Variants in VAT1L observed in about 807,000 individuals in gnomAD.
VAT1L encodes putative NADPH-dependent quinone oxidoreductase VAT1L.
A neutral mutation model predicts 44.1 loss-of-function variants in VAT1L; 34 were observed. That is an observed-to-expected ratio of 0.77 (90% CI 0.59 to 1.03). The LOEUF is 1.03. VAT1L is among the 50% of genes least tolerant of loss of function. VAT1L has a pLI of 0.00. For missense variants in VAT1L, 615 were observed against 538.8 expected (o/e 1.14, Z -1.40); for synonymous variants, 253 against 202.2 (o/e 1.25, Z -2.13).
At chr16:77,853,558 T>G (rs1186750971) in intron 3 of VAT1L, among the ~76,000 whole-genome samples, 1 of 152,090 alleles carries the variant, frequency 6.6e-6, no homozygotes, top group Admixed American at 6.5e-5. Context: ...TGCCAGTGAT[T>G]TACCATGATG....
intron 7 of VAT1L, among the ~76,000 whole-genome samples, chr16:77,931,400 A>G (rs571722192): frequency 2.6e-5 from 4 of 152,320 alleles, no homozygotes; most frequent in Admixed American, 1.3e-4. Flanking sequence ...AGCAGCCTAC[A>G]TAGAAATAAC....
chr16:77,962,780 G>GGAAGGAAGGA (rs1567523656), intron 7 of VAT1L, among the ~76,000 whole-genome samples: 2 of 151,758 alleles, frequency 1.3e-5, no homozygotes, highest in African/African-American at 4.8e-5. Context: ...AGGAAGGAAA[G>GGAAGGAAGGA]AAAGAGAAAA....
intron 6 of VAT1L, among the ~76,000 whole-genome samples, chr16:77,881,332 T>C (rs1597080986): frequency 6.6e-6 from 1 of 152,178 alleles, no homozygotes; most frequent in Non-Finnish European, 1.5e-5. Context: ...GCACATAAGA[T>C]AGGTGCACTT....
At chr16:77,908,488 A>AAAAAAC (rs2017463610) in intron 7 of VAT1L, among the ~76,000 whole-genome samples, 2 of 150,082 alleles carry the variant, frequency 1.3e-5, no homozygotes, top group African/African-American at 2.5e-5. Context: ...AAAAAAAAAA[A>AAAAAAC]AGCCATCACA....
At chr16:77,943,386 T>C (rs1452849808) in intron 7 of VAT1L, among the ~76,000 whole-genome samples, 10 of 146,736 alleles carry the variant, frequency 6.8e-5, no homozygotes, top group African/African-American at 2.5e-4. Context: ...CTTTCTTTTT[T>C]TTTTTTTTTT....
intron 3 of VAT1L, among the ~76,000 whole-genome samples, chr16:77,826,519 G>T (rs74029425): frequency 0.016 from 2,420 of 152,262 alleles, 53 homozygotes; most frequent in African/African-American, 0.055. Flanking sequence ...ACATGTCAGC[G>T]TCATCTGTCA....
intron 2 of VAT1L, among the ~76,000 whole-genome samples, chr16:77,820,970 C>T (rs1351620172): frequency 6.6e-6 from 1 of 152,156 alleles, no homozygotes; most frequent in East Asian, 1.9e-4. Context: ...ACTGGTTTTC[C>T]CCTTTAGACC....
intron 8 of VAT1L, among the ~76,000 whole-genome samples, chr16:77,973,135 C>T (rs1484151303): frequency 1.3e-5 from 2 of 152,152 alleles, no homozygotes; most frequent in East Asian, 1.9e-4. Flanking sequence ...ACAGACCATC[C>T]GACTGCATGG....
At position 77,879,457 on chromosome 16, in the gene VAT1L, A is replaced by AT. The variant is rs1437986491; in HGVS notation, c.882+238dup. On this transcript the variant is annotated intron_variant, in intron 6 of 8. Transcript: ENST00000302536. The surrounding 1 kb of genome is among the most constrained non-coding windows in gnomAD (Gnocchi z 4.1). Reference sequence around the variant, plus strand: ...AGGCATGCGCCACCATACCCAGCTAATTTTTGTATTTGTAGTAGAGACGGG... The same window carrying AT: ...AGGCATGCGCCACCATACCCAGCTAATTTTTTGTATTTGTAGTAGAGACGGG... Among the ~76,000 whole-genome samples the AT allele has an allele frequency of 4.6e-5, 7 of 151,996 alleles. No individual in the cohort carries two copies. The highest frequency in any genetic ancestry group is 4.6e-4 in the Admixed American group (7 of 15,248).
intron 7 of VAT1L, among the ~76,000 whole-genome samples, chr16:77,949,091 G>T (rs113544240): frequency 6.6e-6 from 1 of 152,180 alleles, no homozygotes; most frequent in African/African-American, 2.4e-5. Flanking sequence ...GGGGCAGATT[G>T]GAGCACGAAG....
At chr16:77,820,464 C>T (rs533163291) in intron 2 of VAT1L, among the ~76,000 whole-genome samples, 3 of 152,296 alleles carry the variant, frequency 2.0e-5, no homozygotes, top group South Asian at 2.1e-4. Flanking sequence ...TCCTCAAGCT[C>T]GAGCTCTGTA....
intron 7 of VAT1L, among the ~76,000 whole-genome samples, chr16:77,951,550 A>G (rs1490149336): frequency 7.0e-6 from 1 of 142,464 alleles, no homozygotes; most frequent in Non-Finnish European, 1.5e-5. Flanking sequence ...TGTCTCAAAA[A>G]TAAATAAATA....
At chr16:77,893,208 G>A (rs2017286752) in intron 7 of VAT1L, among the ~76,000 whole-genome samples, 1 of 152,186 alleles carries the variant, frequency 6.6e-6, no homozygotes, top group Admixed American at 6.5e-5. Context: ...GTGGCAGCTG[G>A]TCTGGCTGGG....
At chr16:77,863,893 C>G (rs996252256) in intron 4 of VAT1L, among the ~76,000 whole-genome samples, 1 of 152,172 alleles carries the variant, frequency 6.6e-6, no homozygotes, top group African/African-American at 2.4e-5. Context: ...GAGCCACTGA[C>G]AGACTAAAAT....
At chr16:77,934,107 T>C (rs387138) in intron 7 of VAT1L, among the ~76,000 whole-genome samples, 83,487 of 151,970 alleles carry the variant, frequency 0.55, 23,444 homozygotes, top group East Asian at 0.66. Flanking sequence ...CAAGCAAAAA[T>C]TGATGGTAGC....
chr16:77,952,627 A>C (rs1355282854), intron 7 of VAT1L, among the ~76,000 whole-genome samples: 1 of 152,002 alleles, frequency 6.6e-6, no homozygotes, highest in African/African-American at 2.4e-5. Flanking sequence ...GGGAGGCCGA[A>C]GTGGGCAGAT....
chr16:77,896,281 T>C (rs1597087830), intron 7 of VAT1L, among the ~76,000 whole-genome samples: 2 of 152,312 alleles, frequency 1.3e-5, no homozygotes, highest in East Asian at 3.9e-4. Context: ...TCAGCCCTGG[T>C]GTCGACTCTT....
intron 3 of VAT1L, among the ~76,000 whole-genome samples, chr16:77,842,191 A>G (rs771145788): frequency 2.0e-4 from 30 of 152,136 alleles, no homozygotes; most frequent in Non-Finnish European, 3.5e-4. Context: ...CCAGTCTACC[A>G]AGGGCTTTCA....
chr16:77,959,764 C>G (rs1341606678), intron 7 of VAT1L, among the ~76,000 whole-genome samples: 1 of 152,134 alleles, frequency 6.6e-6, no homozygotes. Flanking sequence ...ACCCTCGTGG[C>G]CCAAGTGTGA....
Sources: allele counts gnomAD v4.1 joint callset (sites outside exome capture counted in the v4.1 genomes callset), GRCh38; gene constraint gnomAD v4.1.1; non-coding constraint Gnocchi (gnomAD v3.1); transcripts MANE v1.5; gene names NCBI Gene and HGNC (gene_info 2026-07-23, HGNC 2026-07-21).